Variants in NF1 observed in about 807,000 individuals in gnomAD.
NF1 encodes the protein neurofibromin.
Under a neutral mutation model 325.7 loss-of-function variants are expected in NF1, and 122 were observed. The observed-to-expected ratio is 0.37, with a 90% confidence interval of 0.32 to 0.44. The LOEUF (loss-of-function observed/expected upper bound fraction) is 0.44, where lower values mean the gene tolerates loss of function less well. NF1 is among the 20% of genes least tolerant of loss of function. The probability of loss-of-function intolerance (pLI) is 1.00; values close to 1 mark genes in which losing one functional copy is unlikely to be tolerated. For missense variants in NF1, 2,140 were observed against 3,415.4 expected (o/e 0.63, Z 9.31); for synonymous variants, 1,091 against 1,186.0 (o/e 0.92, Z 1.65).
intron 1 of NF1, among the ~76,000 whole-genome samples, chr17:31,098,040 T>A (rs1911926232): frequency 6.6e-6 from 1 of 151,358 alleles, no homozygotes; most frequent in African/African-American, 2.4e-5. Context: ...AAAGTTAAAG[T>A]CTCTGACCTT....
At chr17:31,152,026 T>TC (rs36000646) in intron 1 of NF1, among the ~76,000 whole-genome samples, 1 of 152,090 alleles carries the variant, frequency 6.6e-6, no homozygotes, top group African/African-American at 2.4e-5. Context: ...ATGCTATTCC[T>TC]CCCCCCTCCC....
chr17:31,209,813 A>G (rs1317216223), intron 12 of NF1, among the ~76,000 whole-genome samples: 1 of 151,956 alleles, frequency 6.6e-6, no homozygotes, highest in Non-Finnish European at 1.5e-5. Flanking sequence ...CCATCATGCC[A>G]GCTAATTTTG....
In NF1 at chr17:31,130,074, G is replaced by GTTT. The variant is rs201697638; in HGVS notation, c.61-25902_61-25900dup. On this transcript the variant is annotated intron_variant, in intron 1 of 57. Coordinates refer to ENST00000358273, the MANE Select transcript of NF1 (RefSeq NM_001042492.3). ...TGTTCCTTCAGTCTTTGAAGTCGCT[G>GTTT]TTTTTTTTTGTTTTTTTTTTTTTAT... 7.3e-3 allele frequency among the ~76,000 whole-genome samples: 938 copies of GTTT among 129,240 alleles called. 57 individuals are homozygous for GTTT. The highest frequency in any genetic ancestry group is 0.023 in the African/African-American group (783 of 33,976). The allele number at this position is 129,240 out of a possible 152,430, so 84.8% of individuals were successfully genotyped here.
chr17:31,209,191 A>G (rs1157128913), intron 12 of NF1, among the ~76,000 whole-genome samples: 2 of 152,188 alleles, frequency 1.3e-5, no homozygotes, highest in Admixed American at 6.5e-5. Flanking sequence ...TTGGGGGACA[A>G]AATCACCCCC....
At chr17:31,369,464 A>G (rs955503447) in intron 57 of NF1, among the ~76,000 whole-genome samples, 1 of 152,190 alleles carries the variant, frequency 6.6e-6, no homozygotes, top group Non-Finnish European at 1.5e-5. Context: ...AATTGGCTGC[A>G]TGTTTGACCA....
intron 48 of NF1, chr17:31,345,656 C>T: frequency 6.2e-7 from 1 of 1,614,216 alleles, no homozygotes; most frequent in Non-Finnish European, 8.5e-7. Context: ...ACATCAAGGC[C>T]AGCACCGAAG....
chr17:31,230,812 G>C (rs377623497), intron 23 of NF1, 30 bp from the exon 24 acceptor site: 1 of 1,494,566 alleles, frequency 6.7e-7, no homozygotes, highest in African/African-American at 1.4e-5. Flanking sequence ...AACATTGTTT[G>C]CTGTTTCTCT....
chr17:31,155,961 T>G (rs760054898), intron 1 of NF1, 22 bp from the exon 2 acceptor site: 2 of 1,609,714 alleles, frequency 1.2e-6, no homozygotes, highest in Admixed American at 1.7e-5. Flanking sequence ...GTTAACGTGT[T>G]TTTTTTTTCT....
intron 3 of NF1, among the ~76,000 whole-genome samples, chr17:31,161,801 C>T (rs771393472): frequency 2.0e-5 from 3 of 151,988 alleles, no homozygotes; most frequent in Non-Finnish European, 4.4e-5. Flanking sequence ...TTTGGGAGAT[C>T]GAGACAGGCG....
intron 5 of NF1, among the ~76,000 whole-genome samples, chr17:31,179,057 T>G (rs1425764406): frequency 1.3e-5 from 2 of 152,206 alleles, no homozygotes; most frequent in East Asian, 3.8e-4. Context: ...ATCAACAGAA[T>G]GTATATTCTT....
intron 1 of NF1, among the ~76,000 whole-genome samples, chr17:31,118,004 T>C (rs1209675476): frequency 6.6e-6 from 1 of 152,220 alleles, no homozygotes; most frequent in Non-Finnish European, 1.5e-5. Context: ...GGCTGAATTA[T>C]AGAGAAATTG....
intron 20 of NF1, 133 bp from the exon 21 acceptor site, chr17:31,228,892 A>G: frequency 1.5e-6 from 1 of 672,520 alleles, no homozygotes; most frequent in South Asian, 2.0e-5. Context: ...TGGTAATTTT[A>G]TGGGTTGATT....
At chr17:31,206,446 C>A (rs2143916899) in intron 12 of NF1, 75 bp downstream of exon 12, 1 of 1,568,588 alleles carries the variant, frequency 6.4e-7, no homozygotes, top group Non-Finnish European at 8.8e-7. Context: ...CCTATTCCTG[C>A]TGCTTTGGTT....
intron 40 of NF1, 134 bp downstream of exon 40, chr17:31,335,165 A>T (rs1357049660): frequency 1.4e-6 from 1 of 707,408 alleles, no homozygotes; most frequent in South Asian, 1.8e-5. Flanking sequence ...TTCAGAAAGC[A>T]TGTAGACACT....
At chr17:31,157,545 G>A (rs2065685382) in intron 2 of NF1, among the ~76,000 whole-genome samples, 1 of 152,028 alleles carries the variant, frequency 6.6e-6, no homozygotes, top group South Asian at 2.1e-4. Context: ...ACATATTGAT[G>A]TTTCAATACA....
chr17:31,188,386 T>C (rs971441190), intron 8 of NF1, among the ~76,000 whole-genome samples: 5 of 152,244 alleles, frequency 3.3e-5, no homozygotes, highest in African/African-American at 1.2e-4. Context: ...TGACTTAAGA[T>C]TTATTGACTT....
chr17:31,261,598 T>G, intron 34 of NF1, 113 bp from the exon 35 acceptor site: 3 of 1,106,704 alleles, frequency 2.7e-6, no homozygotes, highest in Non-Finnish European at 4.1e-6. Context: ...TTTTTGGTGC[T>G]GTTTACAAAT....
chr17:31,318,356 C>A (rs747922926), intron 36 of NF1: 8 of 1,612,644 alleles, frequency 5.0e-6, no homozygotes, highest in Non-Finnish European at 5.1e-6. Flanking sequence ...TCTTTTCTTT[C>A]CCTTGTAGCT....
At chr17:31,328,292 CTT>C (rs1216158883) in intron 38 of NF1, among the ~76,000 whole-genome samples, 1 of 152,170 alleles carries the variant, frequency 6.6e-6, no homozygotes, top group Non-Finnish European at 1.5e-5. Flanking sequence ...CAAAATAAAT[CTT>C]AAGACAAATA....
Sources: gnomAD v4.1 joint callset for allele counts (sites outside exome capture counted in the v4.1 genomes callset) on GRCh38, gnomAD v4.1.1 for gene constraint, MANE v1.5 for transcripts, NCBI Gene and HGNC (gene_info 2026-07-23, HGNC 2026-07-21) for gene names.